The following RTN1 variants were observed in gnomAD, a reference collection of about 807,000 sequenced individuals.
RTN1 encodes reticulon 1, also known as reticulon-1.
RTN1 carries 25 observed loss-of-function variants against 65.5 expected under a neutral mutation model. The ratio of observed to expected loss-of-function variants is 0.38; its 90% CI spans 0.28 to 0.53. RTN1 has a LOEUF of 0.53. RTN1 is among the 20% of genes least tolerant of loss of function. The pLI is 0.79. For synonymous variants in RTN1, 471 were observed against 447.6 expected, an observed-to-expected ratio of 1.05 and a Z score of -0.66; for missense variants, 983 against 1,025.4, an observed-to-expected ratio of 0.96 and a Z score of 0.57.
At chr14:59,750,209 A>ATTATCT (rs1256259675) in intron 1 of RTN1, among the ~76,000 whole-genome samples, 6 of 29,010 alleles carry the variant, frequency 2.1e-4, no homozygotes, top group Admixed American at 1.5e-3. Flanking sequence ...TATAATATAT[A>ATTATCT]ATATATATAT....
intron 3 of RTN1, among the ~76,000 whole-genome samples, chr14:59,701,071 T>G (rs999897616): frequency 1.6e-4 from 24 of 152,100 alleles, no homozygotes; most frequent in Admixed American, 1.4e-3. Context: ...GAATAAACAT[T>G]TCTGCAAAGA....
chr14:59,644,868 G>A (rs1022542340), intron 3 of RTN1, among the ~76,000 whole-genome samples: 1 of 152,048 alleles, frequency 6.6e-6, no homozygotes, highest in Admixed American at 6.5e-5. Context: ...TTCTCATGGG[G>A]CAGGATCTCC....
chr14:59,596,901 T>C, intron 8 of RTN1, 114 bp from the exon 9 acceptor site: 1 of 764,894 alleles, frequency 1.3e-6, no homozygotes, highest in Non-Finnish European at 2.3e-6. Flanking sequence ...CCAGAAGATA[T>C]TATAGTCTTT....
rs1202811192 is a variant in RTN1 at position 59,825,157 on chromosome 14, C to G, written c.241+45233G>C. Among the ~76,000 whole-genome samples the G allele has an allele frequency of 6.6e-6, 1 of 152,170 alleles. No homozygotes were observed. The highest frequency in any genetic ancestry group is 1.5e-5 in the Non-Finnish European group (1 of 68,032). On this transcript the variant is annotated intron_variant, in intron 1 of 8. Transcript: ENST00000267484. This position sits in a 1 kb window ranked among gnomAD's most constrained non-coding sequence, Gnocchi z 4.2. The stretch of plus-strand genomic sequence containing the variant: ...GTCCTGTGCATTGTAGAATCTTTAC[C>G]AACATCCCTAGCCTCTACCGACTAG...
intron 1 of RTN1, among the ~76,000 whole-genome samples, chr14:59,797,890 A>G (rs1886468316): frequency 6.6e-6 from 1 of 152,208 alleles, no homozygotes; most frequent in South Asian, 2.1e-4. Context: ...AGTGATGCCA[A>G]CATTTTAAAA....
At chr14:59,708,089 C>T (rs1328672581) in intron 3 of RTN1, among the ~76,000 whole-genome samples, 4 of 152,140 alleles carry the variant, frequency 2.6e-5, no homozygotes, top group Admixed American at 6.5e-5. Flanking sequence ...AAAATGAATC[C>T]GGTATTGTTA....
intron 3 of RTN1, among the ~76,000 whole-genome samples, chr14:59,719,807 G>C (rs1884610668): frequency 1.3e-5 from 2 of 152,164 alleles, no homozygotes; most frequent in Admixed American, 1.3e-4. Flanking sequence ...AGAAGTATCT[G>C]AATTATGTCT....
At position 59,790,282 on chromosome 14, in the gene RTN1, GACACACAC is replaced by G. The variant is rs201182506; in HGVS notation, c.242-43809_242-43802del. 6.6e-6 allele frequency among the ~76,000 whole-genome samples: 1 copy of G among 151,244 alleles called. No homozygotes were observed. Among genetic ancestry groups the G allele is most frequent in the East Asian group, 1.9e-4 (1 of 5,168 alleles). ...ATTATGTATGTCACACACACACACA[GACACACAC>G]ACACACCTCTAGGAAAAAAGTAGTG... is the stretch of plus-strand genomic sequence containing the variant. On this transcript the variant is annotated intron_variant, in intron 1 of 8. Coordinates refer to ENST00000267484, the MANE Select transcript of RTN1 (RefSeq NM_021136.3). This position sits in a 1 kb window ranked among gnomAD's most constrained non-coding sequence, Gnocchi z 4.1.
At chr14:59,635,207 C>T (rs1460179247) in intron 3 of RTN1, among the ~76,000 whole-genome samples, 1 of 152,164 alleles carries the variant, frequency 6.6e-6, no homozygotes, top group African/African-American at 2.4e-5. Context: ...GTTAGACCAA[C>T]AGCAGTCTTT....
At chr14:59,673,756 G>A (rs746687165) in intron 3 of RTN1, among the ~76,000 whole-genome samples, 4 of 152,258 alleles carry the variant, frequency 2.6e-5, no homozygotes, top group Non-Finnish European at 4.4e-5. Flanking sequence ...GGACTCTATC[G>A]AGAACTGGCA....
At chr14:59,750,347 T>TATATTATATATAATATCTATA (rs1885459500) in intron 1 of RTN1, among the ~76,000 whole-genome samples, 1 of 3,926 alleles carries the variant, frequency 2.5e-4, no homozygotes, top group African/African-American at 9.0e-4. Context: ...ATATCTATAA[T>TATATTATATATAATATCTATA]ATATATTATA....
intron 3 of RTN1, among the ~76,000 whole-genome samples, chr14:59,675,588 TACA>T (rs1372275628): frequency 6.7e-6 from 1 of 149,538 alleles, no homozygotes; most frequent in East Asian, 1.9e-4. Context: ...AATTTAATAA[TACA>T]ATTTTATAAT....
Position 59,727,433 on chromosome 14 carries a change from G to C in RTN1, c.1251C>G (p.Ser417=), listed in dbSNP as rs1307739979. ...ESGDSEIELV[S]EDPMAAEDAL... ...CGTCCTCCGCGGCCATGGGGTCCTC[G>C]GACACCAGCTCGATCTCTGAGTCCC... The change falls in exon 3 of 9, where the codon TCC becomes TCG. Residue 417 remains serine, a synonymous_variant. Transcript: ENST00000267484. The surrounding 1 kb of genome is among the most constrained non-coding windows in gnomAD (Gnocchi z 4.2). 1 of 1,554,130 alleles carries C rather than the reference G, an allele frequency of 6.4e-7. No individual in the cohort carries two copies. Among genetic ancestry groups the C allele is most frequent in the Non-Finnish European group, 8.7e-7 (1 of 1,149,746 alleles).
intron 3 of RTN1, among the ~76,000 whole-genome samples, chr14:59,694,428 C>T (rs956214008): frequency 1.3e-5 from 2 of 152,142 alleles, no homozygotes; most frequent in Admixed American, 1.3e-4. Flanking sequence ...TGTGTATGCA[C>T]TTACACACAC....
At chr14:59,693,293 T>C (rs1240627804) in intron 3 of RTN1, among the ~76,000 whole-genome samples, 4 of 152,256 alleles carry the variant, frequency 2.6e-5, no homozygotes, top group African/African-American at 9.6e-5. Flanking sequence ...TGCTATAATA[T>C]AAGCAGACAT....
At chr14:59,776,396 T>C (rs1038791562) in intron 1 of RTN1, among the ~76,000 whole-genome samples, 1 of 152,146 alleles carries the variant, frequency 6.6e-6, no homozygotes, top group African/African-American at 2.4e-5. Flanking sequence ...TCTCATGCTC[T>C]TGTCCTTCTG....
At chr14:59,609,749 A>G (rs1379368145) in intron 3 of RTN1, among the ~76,000 whole-genome samples, 1 of 152,202 alleles carries the variant, frequency 6.6e-6, no homozygotes, top group Non-Finnish European at 1.5e-5. Context: ...AGGAAACTAA[A>G]GCATCACCAC....
At chr14:59,601,144 C>A (rs569698409) in intron 8 of RTN1, among the ~76,000 whole-genome samples, 3 of 152,332 alleles carry the variant, frequency 2.0e-5, no homozygotes, top group African/African-American at 7.2e-5. Flanking sequence ...TACATTCTTT[C>A]CAGTTGATCT....
intron 1 of RTN1, among the ~76,000 whole-genome samples, chr14:59,857,007 C>G (rs894908506): frequency 8.5e-5 from 13 of 152,078 alleles, no homozygotes; most frequent in African/African-American, 3.1e-4. Context: ...TATTAGGTAC[C>G]AAAGCCAAGA....
Sources: gnomAD v4.1 joint callset for allele counts (sites outside exome capture counted in the v4.1 genomes callset) on GRCh38, gnomAD v4.1.1 for gene constraint, Gnocchi (gnomAD v3.1) non-coding constraint, MANE v1.5 for transcripts, NCBI Gene and HGNC (gene_info 2026-07-23, HGNC 2026-07-21) for gene names.